Variants in DSC2 observed in about 807,000 individuals in gnomAD.
DSC2 encodes the protein desmocollin-2.
DSC2 carries 51 observed loss-of-function variants against 87.6 expected under a neutral mutation model. The ratio of observed to expected loss-of-function variants is 0.58; its 90% CI spans 0.46 to 0.74. The LOEUF is 0.74. Among genes scored for constraint, DSC2 ranks in the 30% least tolerant of loss-of-function variants. The probability of loss-of-function intolerance (pLI) is 0.00; values close to 1 mark genes in which losing one functional copy is unlikely to be tolerated. For missense variants in DSC2, 1,066 were observed against 1,089.5 expected, an observed-to-expected ratio of 0.98 and a Z score of 0.30; for synonymous variants, 383 against 393.2, an observed-to-expected ratio of 0.97 and a Z score of 0.31.
rs769873368 is a variant in DSC2 at position 31,062,533 on chromosome 18, TAGCC to T, written c.*5478_*5481del. 3.3e-5 allele frequency: 5 copies of T among 152,194 alleles called. No homozygotes were observed. Among genetic ancestry groups the T allele is most frequent in the Non-Finnish European group, 7.3e-5 (5 of 68,028 alleles). The allele number at this position is 152,194 out of a possible 1,614,324, so 9.4% of individuals were successfully genotyped here. A position where few individuals can be genotyped will look rare whatever the true frequency, so the allele number is the denominator to read the frequency against. On this transcript the variant is annotated 3_prime_UTR_variant, in exon 16 of 16. Coordinates refer to ENST00000280904, the MANE Select transcript of DSC2 (RefSeq NM_024422.6). Reference sequence around the variant, plus strand: ...CTTTAGGCAATATGCAGTCTGATCTTAGCCAGGTACCTAACACACATGTGCATTT... The same window carrying T: ...CTTTAGGCAATATGCAGTCTGATCTTAGGTACCTAACACACATGTGCATTT...
At chr18:31,070,683 C>T in intron 14 of DSC2, 43 bp downstream of exon 14, 7 of 1,611,364 alleles carry the variant, frequency 4.3e-6, no homozygotes, top group Non-Finnish European at 5.1e-6. Flanking sequence ...GCATTATAAG[C>T]GAATTCATCC....
At chr18:31,101,827 C>T in intron 1 of DSC2, 76 bp downstream of exon 1, 1 of 924,464 alleles carries the variant, frequency 1.1e-6, no homozygotes, top group Non-Finnish European at 1.5e-6. Flanking sequence ...CCCCACCTAT[C>T]CCCGTTCCCC....
rs1986844738 is a variant in DSC2, at chr18:31,071,798, G to A, written c.1932C>T (p.Gly644=). Residue 644 remains glycine (G), a synonymous_variant, in exon 13 of 16, where the codon GGC becomes GGT. Transcript: ENST00000280904. ...RLSYQNDPPF[G]SYVVPITVRD... ...TCACTGTTATAGGTACTACATATGA[G>A]CCAAATGGAGGATCATTCTGATAGG... 3 of 1,613,964 alleles carry A rather than the reference G, an allele frequency of 1.9e-6. No individual in the cohort carries two copies. Among genetic ancestry groups the A allele is most frequent in the Non-Finnish European group, 2.5e-6 (3 of 1,179,912 alleles).
At chr18:31,083,549 C>A (rs1228125841) in intron 7 of DSC2, among the ~76,000 whole-genome samples, 3 of 151,722 alleles carry the variant, frequency 2.0e-5, no homozygotes, top group Non-Finnish European at 4.4e-5. Context: ...TTCTTATGTT[C>A]AAAAAAATAG....
Position 31,090,903 on chromosome 18 carries a change from A to G in DSC2, c.474+125T>C, listed in dbSNP as rs1295847208. The G allele has an allele frequency of 3.7e-6, 5 of 1,362,732 alleles. No individual in the cohort carries two copies. In the African/African-American group the frequency reaches 5.8e-5, roughly 16 times the overall value. The allele number at this position is 1,362,732 out of a possible 1,614,324, so 84.4% of individuals were successfully genotyped here. ...TATTTATACCCTTATATGGAAACAT[A>G]TTATACACATACTCATTCACTCACA... On this transcript the variant is annotated intron_variant, in intron 4 of 15. Transcript: ENST00000280904.
In DSC2 at chr18:31,087,725, T is replaced by C. The variant is rs749567597; in HGVS notation, c.719A>G (p.Tyr240Cys). 7 of 1,613,758 alleles carry C rather than the reference T, an allele frequency of 4.3e-6. No individual in the cohort carries two copies. The Admixed American group carries it at 1.2e-4, about 27-fold the overall frequency. ...ATAAGTTTCTTCTGTAAAAATTGGG[T>C]AGTTATCATTTTCATCCTCTATTTT... The part of the protein sequence containing the change: ...IIKIEDENDN[Y>C]PIFTEETYTF... The change falls in exon 6 of 16, where the codon TAC becomes TGC. Residue 240 changes from tyrosine to cysteine, a missense_variant. By Grantham distance (194) the Tyr-to-Cys change is radical. Transcript: ENST00000280904.
At chr18:31,086,532 TG>T (rs778795815) in intron 7 of DSC2, 43 bp downstream of exon 7, 30 of 1,611,256 alleles carry the variant, frequency 1.9e-5, no homozygotes, top group Non-Finnish European at 6.8e-6. Context: ...CAGGTACTAT[TG>T]AATAGCCACG....
chr18:31,100,698 C>G (rs955042000), intron 1 of DSC2, among the ~76,000 whole-genome samples: 5 of 152,144 alleles, frequency 3.3e-5, no homozygotes, highest in Admixed American at 6.5e-5. Flanking sequence ...GGAAATTATA[C>G]GAATATTTCA....
chr18:31,078,942 T>C (rs1987110558), intron 11 of DSC2, among the ~76,000 whole-genome samples: 1 of 152,174 alleles, frequency 6.6e-6, no homozygotes. Flanking sequence ...AGAACATAAT[T>C]TTACATTTTA....
At chr18:31,084,331 T>C (rs1442959158) in intron 7 of DSC2, among the ~76,000 whole-genome samples, 3 of 152,162 alleles carry the variant, frequency 2.0e-5, no homozygotes, top group Non-Finnish European at 4.4e-5. Flanking sequence ...TACTGTACTT[T>C]CAAGAAGGAA....
In DSC2 at chr18:31,059,718, A is replaced by G. The variant is rs1382425348; in HGVS notation, c.*8297T>C. ...CACTCAATATCTTAGTGTATTACAG[A>G]TAGTCTCATATTTATTTAAATGTGA... On this transcript the variant is annotated 3_prime_UTR_variant, in exon 16 of 16. Transcript: ENST00000280904. The G allele has an allele frequency of 6.6e-6, 1 of 152,202 alleles. No homozygotes were observed. 9.4% of individuals were successfully genotyped at this position (152,202 alleles called of 1,614,324 possible). A position where few individuals can be genotyped will look rare whatever the true frequency, so the allele number is the denominator to read the frequency against.
In DSC2 at chr18:31,074,805, A is replaced by G. The variant is rs201856473; in HGVS notation, c.1766T>C (p.Met589Thr). ...AACCGCAACAATCTCCGCAGATGAC[A>G]TGGTGGGTTTGCAGATGATCACTGT... ...KKTVIICKPT[M>T]SSAEIVAVDP... Residue 589 changes from methionine to threonine, a missense_variant, in exon 12 of 16, where the codon ATG becomes ACG. By Grantham distance (81) the Met-to-Thr change is moderately conservative (BLOSUM62 -1). Transcript: ENST00000280904. The G allele has an allele frequency of 1.8e-4, 297 of 1,614,102 alleles. 1 individual carries two copies. The highest frequency in any genetic ancestry group is 2.4e-4 in the Non-Finnish European group (282 of 1,180,012).
chr18:31,093,602 T>C lies in DSC2; in HGVS notation c.111A>G (p.Leu37=), dbSNP rs12954874. Residue 37 remains leucine (L), a synonymous_variant, in exon 2 of 16, where the codon TTA becomes TTG. Transcript: ENST00000280904. The part of the protein sequence containing the change: ...FASDACKNVT[L]HVPSKLDAEK... ...CGGCATCTAGTTTGGAGGGAACATGTAATGTCACATTTTTGCAGGCATCAC... is the reference window on the plus strand; with the variant it reads ...CGGCATCTAGTTTGGAGGGAACATGCAATGTCACATTTTTGCAGGCATCAC... 183,167 of 1,601,644 alleles carry C rather than the reference T, an allele frequency of 0.11. 11,157 individuals carry two copies. The highest frequency in any genetic ancestry group is 0.17 in the Middle Eastern group (1,048 of 6,000).
In DSC2 at chr18:31,059,253, A is replaced by G. The variant is rs1008953720; in HGVS notation, c.*8762T>C. 1.4e-4 allele frequency: 22 copies of G among 152,254 alleles called. No individual in the cohort carries two copies. Among genetic ancestry groups the G allele is most frequent in the African/African-American group, 4.6e-4 (19 of 41,468 alleles). 9.4% of individuals were successfully genotyped at this position (152,254 alleles called of 1,614,324 possible). A position where few individuals can be genotyped will look rare whatever the true frequency, so the allele number is the denominator to read the frequency against. ...ACACATTTAATTGGTTTAAACTTGCATTCATTATGCAAACTTTGCTTGAAA... is the reference window on the plus strand; with the variant it reads ...ACACATTTAATTGGTTTAAACTTGCGTTCATTATGCAAACTTTGCTTGAAA... On this transcript the variant is annotated 3_prime_UTR_variant, in exon 16 of 16. Coordinates refer to ENST00000280904, the MANE Select transcript of DSC2 (RefSeq NM_024422.6).
chr18:31,076,613 AG>A (rs1374529102), intron 11 of DSC2, among the ~76,000 whole-genome samples: 1 of 152,220 alleles, frequency 6.6e-6, no homozygotes, highest in African/African-American at 2.4e-5. Flanking sequence ...GAAAATAAAC[AG>A]CAACATTTAC....
Position 31,074,591 on chromosome 18 carries a change from T to C in DSC2, c.1888+92A>G, listed in dbSNP as rs148570239. 1.4e-3 allele frequency: 1,596 copies of C among 1,169,902 alleles called. 14 individuals carry two copies. In the African/African-American group the frequency reaches 0.021, roughly 16 times the overall value. The allele number at this position is 1,169,902 out of a possible 1,614,324, so 72.5% of individuals were successfully genotyped here. ...GAAACTTTCATTGGTGTTTCCCACA[T>C]GGTGAATTTTCTCCTATTTCATACA... is the stretch of plus-strand genomic sequence containing the variant. On this transcript the variant is annotated intron_variant, in intron 12 of 15. Coordinates refer to ENST00000280904, the MANE Select transcript of DSC2 (RefSeq NM_024422.6).
intron 1 of DSC2, 76 bp downstream of exon 1, chr18:31,101,826 TC>T: frequency 1.1e-6 from 1 of 941,700 alleles, no homozygotes; most frequent in Admixed American, 2.6e-5. Context: ...CCCCCACCTA[TC>T]CCCGTTCCCC....
chr18:31,099,713 TTAG>T (rs1987874466), intron 1 of DSC2, among the ~76,000 whole-genome samples: 1 of 152,102 alleles, frequency 6.6e-6, no homozygotes, highest in Non-Finnish European at 1.5e-5. Flanking sequence ...AGAAGGTTTA[TTAG>T]TGGTTAGCAG....
intron 7 of DSC2, 59 bp from the exon 8 acceptor site, chr18:31,083,119 C>A (rs918623085): frequency 5.7e-6 from 9 of 1,571,804 alleles, no homozygotes; most frequent in Non-Finnish European, 7.8e-6. Context: ...TAATTGAAAT[C>A]TTACTTTACA....
Sources: allele counts gnomAD v4.1 joint callset (sites outside exome capture counted in the v4.1 genomes callset), GRCh38; gene constraint gnomAD v4.1.1; transcripts MANE v1.5; gene names NCBI Gene and HGNC (gene_info 2026-07-23, HGNC 2026-07-21).